Variants in TRAFD1 observed in about 807,000 individuals in gnomAD.
TRAFD1 encodes the protein TRAF-type zinc finger domain-containing protein 1.
In TRAFD1, 38 loss-of-function variants were observed where a neutral mutation model predicts 65.3. The observed-to-expected ratio is 0.58, with a 90% CI of 0.45 to 0.76. The LOEUF (loss-of-function observed/expected upper bound fraction) is 0.76, where lower values mean the gene tolerates loss of function less well. Ranked by LOEUF, TRAFD1 falls within the 30% of genes least tolerant of loss-of-function variation. The pLI is 0.00. For missense variants in TRAFD1, 631 were observed against 712.6 expected (o/e 0.89, Z 1.30); for synonymous variants, 223 against 257.2 (o/e 0.87, Z 1.27).
intron 1 of TRAFD1, among the ~76,000 whole-genome samples, chr12:112,127,151 C>T (rs2079542830): frequency 6.6e-6 from 1 of 152,146 alleles, no homozygotes; most frequent in Non-Finnish European, 1.5e-5. Context: ...GCCCTTCCCA[C>T]TGCCTGGATG....
intron 7 of TRAFD1, among the ~76,000 whole-genome samples, chr12:112,146,547 T>C (rs539184945): frequency 1.3e-5 from 2 of 152,384 alleles, no homozygotes; most frequent in South Asian, 4.1e-4. Context: ...TGCATTTTTC[T>C]AGAAAGGTCA....
At chr12:112,145,392 G>C (rs1234763810) in intron 6 of TRAFD1, among the ~76,000 whole-genome samples, 194 bp from the exon 7 acceptor site, 1 of 152,096 alleles carries the variant, frequency 6.6e-6, no homozygotes, top group Non-Finnish European at 1.5e-5. Context: ...TTCTTGTTTT[G>C]TCATGGAAGT....
At chr12:112,151,066 C>T (rs371277198) in intron 9 of TRAFD1, among the ~76,000 whole-genome samples, 4 of 151,750 alleles carry the variant, frequency 2.6e-5, no homozygotes, top group South Asian at 2.1e-4. Context: ...CATGAAACCC[C>T]GTCTCTACTA....
chr12:112,146,426 G>C (rs1400017971), intron 7 of TRAFD1, among the ~76,000 whole-genome samples: 1 of 152,046 alleles, frequency 6.6e-6, no homozygotes, highest in Non-Finnish European at 1.5e-5. Flanking sequence ...TCTCATGCTA[G>C]CAGCCCTTTC....
intron 6 of TRAFD1, among the ~76,000 whole-genome samples, chr12:112,144,824 A>G (rs1308041702): frequency 6.6e-6 from 1 of 152,202 alleles, no homozygotes; most frequent in Non-Finnish European, 1.5e-5. Flanking sequence ...TCAAGGCTGC[A>G]GTGAACCAAG....
chr12:112,134,479 C>T (rs1242140467), intron 2 of TRAFD1, among the ~76,000 whole-genome samples: 5 of 152,054 alleles, frequency 3.3e-5, no homozygotes, highest in East Asian at 3.9e-4. Context: ...TGGTCTCGAA[C>T]GCCTGACCTC....
At chr12:112,140,486 C>T (rs182060082) in intron 4 of TRAFD1, among the ~76,000 whole-genome samples, 1 of 150,614 alleles carries the variant, frequency 6.6e-6, no homozygotes, top group Admixed American at 6.6e-5. Flanking sequence ...GGAGCTTTGA[C>T]AAACATCTGA....
At chr12:112,135,816 T>C (rs2079596472) in intron 4 of TRAFD1, among the ~76,000 whole-genome samples, 1 of 150,502 alleles carries the variant, frequency 6.6e-6, no homozygotes, top group African/African-American at 2.4e-5. Flanking sequence ...GAGATAAAAC[T>C]GGCCAAAGGT....
In TRAFD1 at chr12:112,134,812, C is replaced by T. The variant is rs2079587939; in HGVS notation, c.122C>T (p.Thr41Ile). The change falls in exon 3 of 12, where the codon ACC becomes ATC. Residue 41 changes from threonine (T) to isoleucine (I), a missense_variant. Thr to Ile is a moderately conservative substitution (Grantham distance 89, BLOSUM62 -1). Transcript: ENST00000412615. ...HCQRNIGMCPTCKEPFPKSDM... is the reference protein window; with the variant it reads ...HCQRNIGMCPICKEPFPKSDM... ...CAAAGGAACATTGGTATGTGTCCTACCTGTAAGGAACCATTTCCCAAATCT... is the reference window on the plus strand; with the variant it reads ...CAAAGGAACATTGGTATGTGTCCTATCTGTAAGGAACCATTTCCCAAATCT... 6.2e-7 allele frequency: 1 copy of T among 1,613,844 alleles called. No homozygotes were observed. The highest frequency in any genetic ancestry group is 8.5e-7 in the Non-Finnish European group (1 of 1,179,746).
At chr12:112,129,985 T>G (rs2079559604) in intron 1 of TRAFD1, among the ~76,000 whole-genome samples, 1 of 150,090 alleles carries the variant, frequency 6.7e-6, no homozygotes. Context: ...GGTCTCACTC[T>G]GTCACCCAGG....
At chr12:112,143,148 C>T (rs2030137361) in intron 6 of TRAFD1, among the ~76,000 whole-genome samples, 5 of 151,994 alleles carry the variant, frequency 3.3e-5, no homozygotes, top group South Asian at 4.1e-4. Flanking sequence ...GGCACGATCT[C>T]GGCTCACTGC....
rs1216560280 is a variant in TRAFD1 at position 112,152,736 on chromosome 12, C to T, written c.1694C>T (p.Ala565Val). The change falls in exon 12 of 12, where the codon GCA becomes GTA. Residue 565 changes from alanine to valine, a missense_variant and splice_region_variant. By Grantham distance (64) the Ala-to-Val change is moderately conservative (BLOSUM62 0). Coordinates refer to ENST00000412615, the MANE Select transcript of TRAFD1 (RefSeq NM_006700.3). The surrounding 1 kb of genome is among the most constrained non-coding windows in gnomAD (Gnocchi z 5.0). ...AANYRSRTAK[A>V]KPSKQQGAGD... ...CGTTTGTGTTGTGTTGTTCACCAGG[C>T]AAAGCCTTCCAAGCAACAGGGAGCT... The T allele has an allele frequency of 6.2e-7, 1 of 1,614,086 alleles. No homozygotes were observed. Among genetic ancestry groups the T allele is most frequent in the Non-Finnish European group, 8.5e-7 (1 of 1,180,058 alleles).
At chr12:112,143,241 G>A (rs1222163070) in intron 6 of TRAFD1, among the ~76,000 whole-genome samples, 4 of 151,982 alleles carry the variant, frequency 2.6e-5, no homozygotes, top group Non-Finnish European at 4.4e-5. Flanking sequence ...CACTACACCC[G>A]GCCAATTTTT....
chr12:112,140,440 A>T (rs2030055687), intron 4 of TRAFD1, among the ~76,000 whole-genome samples: 1 of 147,396 alleles, frequency 6.8e-6, no homozygotes, highest in Non-Finnish European at 1.5e-5. Flanking sequence ...AAAAAAAAAG[A>T]CTGAATTGGA....
intron 8 of TRAFD1, 90 bp from the exon 9 acceptor site, chr12:112,149,661 A>G: frequency 6.5e-7 from 1 of 1,536,156 alleles, no homozygotes; most frequent in Non-Finnish European, 8.9e-7. Context: ...CCCCCTCCAG[A>G]TGAGGAATAC....
At chr12:112,138,864 A>G (rs2029998603) in intron 4 of TRAFD1, among the ~76,000 whole-genome samples, 1 of 151,748 alleles carries the variant, frequency 6.6e-6, no homozygotes, top group Non-Finnish European at 1.5e-5. Context: ...TCTCAAAAAA[A>G]AAAAAAAAAA....
At chr12:112,127,005 G>A (rs910259615) in intron 1 of TRAFD1, among the ~76,000 whole-genome samples, 3 of 152,136 alleles carry the variant, frequency 2.0e-5, no homozygotes, top group Admixed American at 2.0e-4. Flanking sequence ...CCCTTCAGTG[G>A]TTTACCATTG....
intron 9 of TRAFD1, among the ~76,000 whole-genome samples, 155 bp from the exon 10 acceptor site, chr12:112,151,646 C>A (rs1230007998): frequency 1.3e-5 from 2 of 152,104 alleles, no homozygotes; most frequent in African/African-American, 4.8e-5. Flanking sequence ...GATCCCCGCA[C>A]CTCGGCCTCC....
rs180702788 is a variant in TRAFD1 at position 112,145,718 on chromosome 12, G to A, written c.927+56G>A. On this transcript the variant is annotated intron_variant, in intron 7 of 11. Coordinates refer to ENST00000412615, the MANE Select transcript of TRAFD1 (RefSeq NM_006700.3). The stretch of plus-strand genomic sequence containing the variant: ...TAGGATTGTATGCAGGCCATAATTG[G>A]TGTTGCAGGCCACATGAGGCCTTGA... 326 of 1,524,106 alleles carry A rather than the reference G, an allele frequency of 2.1e-4. No individual in the cohort carries two copies. The African/African-American group carries it at 4.1e-3, about 19-fold the overall frequency. 94.4% of individuals were successfully genotyped at this position (1,524,106 alleles called of 1,614,324 possible).
Sources: gnomAD v4.1 joint callset for allele counts (sites outside exome capture counted in the v4.1 genomes callset) on GRCh38, gnomAD v4.1.1 for gene constraint, Gnocchi (gnomAD v3.1) non-coding constraint, MANE v1.5 for transcripts, NCBI Gene and HGNC (gene_info 2026-07-23, HGNC 2026-07-21) for gene names.